The following FHIT variants were observed in gnomAD, a reference collection of about 807,000 sequenced individuals.
The protein encoded by FHIT is bis(5'-adenosyl)-triphosphatase.
Under a neutral mutation model 17.9 loss-of-function variants are expected in FHIT, and 19 were observed. The ratio of observed to expected loss-of-function variants is 1.06; its 90% CI spans 0.74 to 1.56. The LOEUF (loss-of-function observed/expected upper bound fraction) is 1.56. Ranked by LOEUF, FHIT falls within the 40% of genes most tolerant of loss-of-function variation. The probability of loss-of-function intolerance (pLI) is 0.00; values close to 1 mark genes in which losing one functional copy is unlikely to be tolerated. For missense variants in FHIT, 248 were observed against 189.2 expected (o/e 1.31, Z -1.82); for synonymous variants, 81 against 69.7 (o/e 1.16, Z -0.81).
intron 5 of FHIT, among the ~76,000 whole-genome samples, chr3:60,336,484 T>C (rs143832968): frequency 2.0e-5 from 3 of 152,258 alleles, no homozygotes; most frequent in East Asian, 3.9e-4. Context: ...AACTTGAAAA[T>C]AGTTTAAAGT....
intron 5 of FHIT, among the ~76,000 whole-genome samples, chr3:60,494,163 T>C (rs994653570): frequency 6.6e-6 from 1 of 152,206 alleles, no homozygotes; most frequent in Admixed American, 6.5e-5. Context: ...CAGAATGTTT[T>C]CATCATCCCA....
chr3:60,683,231 G>C (rs1160473083), intron 4 of FHIT, among the ~76,000 whole-genome samples: 1 of 152,210 alleles, frequency 6.6e-6, no homozygotes, highest in Non-Finnish European at 1.5e-5. Context: ...AGAAGGGTTG[G>C]AGAGGATTCA....
chr3:60,849,044 A>G (rs1450772162), intron 3 of FHIT, among the ~76,000 whole-genome samples: 1 of 152,178 alleles, frequency 6.6e-6, no homozygotes, highest in Non-Finnish European at 1.5e-5. Context: ...AAGTATATTT[A>G]CTATAGTTAT....
chr3:60,853,908 CT>C (rs1703258017), intron 3 of FHIT, among the ~76,000 whole-genome samples: 1 of 152,142 alleles, frequency 6.6e-6, no homozygotes, highest in Admixed American at 6.6e-5. Flanking sequence ...AACATAGTCC[CT>C]TTGGTGTCCT....
intron 7 of FHIT, among the ~76,000 whole-genome samples, chr3:59,989,592 G>A (rs1396096631): frequency 6.6e-6 from 1 of 152,020 alleles, no homozygotes; most frequent in African/African-American, 2.4e-5. Context: ...GTTCTATTTT[G>A]CAAAACAATC....
At chr3:60,059,563 T>C (rs1183080177) in intron 5 of FHIT, among the ~76,000 whole-genome samples, 1 of 152,184 alleles carries the variant, frequency 6.6e-6, no homozygotes, top group African/African-American at 2.4e-5. Context: ...GCTAAAGCTT[T>C]TTAATAAACT....
intron 5 of FHIT, among the ~76,000 whole-genome samples, chr3:60,480,003 T>C (rs971710694): frequency 6.6e-6 from 1 of 152,152 alleles, no homozygotes. Context: ...ATTTTCACAA[T>C]GCAATAAAGA....
chr3:60,778,839 C>T (rs1700289489), intron 4 of FHIT, among the ~76,000 whole-genome samples: 1 of 152,114 alleles, frequency 6.6e-6, no homozygotes, highest in African/African-American at 2.4e-5. Context: ...CTTGCAGAGC[C>T]AATAAAAGCC....
chr3:59,901,530 T>A (rs1438101920), intron 8 of FHIT, among the ~76,000 whole-genome samples: 1 of 152,200 alleles, frequency 6.6e-6, no homozygotes. Context: ...AGATGCTCAA[T>A]ATTAGCTATC....
chr3:61,179,167 G>A (rs1268738739), intron 2 of FHIT, among the ~76,000 whole-genome samples: 1 of 151,822 alleles, frequency 6.6e-6, no homozygotes, highest in Non-Finnish European at 1.5e-5. Flanking sequence ...GTGCCACCAT[G>A]CCTGGCTAAT....
intron 3 of FHIT, among the ~76,000 whole-genome samples, chr3:60,984,433 T>C (rs1710632014): frequency 1.3e-5 from 2 of 152,182 alleles, no homozygotes; most frequent in South Asian, 4.1e-4. Context: ...GTTCAGAGCT[T>C]TGTATATGTG....
chr3:59,776,279 C>A (rs1275485466), intron 8 of FHIT, among the ~76,000 whole-genome samples: 1 of 152,214 alleles, frequency 6.6e-6, no homozygotes, highest in Non-Finnish European at 1.5e-5. Flanking sequence ...CTGTGGCTTG[C>A]ACGTATTTCC....
intron 5 of FHIT, among the ~76,000 whole-genome samples, chr3:60,369,364 CCTTT>C (rs1700232026): frequency 6.6e-6 from 1 of 152,098 alleles, no homozygotes; most frequent in South Asian, 2.1e-4. Flanking sequence ...TCCATGTTTT[CCTTT>C]AAGTTCTTTA....
intron 5 of FHIT, among the ~76,000 whole-genome samples, chr3:60,086,621 G>T (rs983165935): frequency 6.6e-6 from 1 of 152,206 alleles, no homozygotes; most frequent in African/African-American, 2.4e-5. Flanking sequence ...TTGGCCAAAA[G>T]AAAGAGAAAA....
intron 5 of FHIT, among the ~76,000 whole-genome samples, chr3:60,365,075 T>G (rs1371467751): frequency 1.3e-5 from 2 of 150,342 alleles, no homozygotes; most frequent in Admixed American, 6.7e-5. Context: ...CTATTGGTTC[T>G]GTTCTCTCTC....
intron 5 of FHIT, among the ~76,000 whole-genome samples, chr3:60,095,683 C>T (rs1022786796): frequency 7.9e-5 from 12 of 152,134 alleles, no homozygotes; most frequent in African/African-American, 2.7e-4. Flanking sequence ...TCTAGATAAT[C>T]GGCCTCATTG....
At chr3:60,445,010 A>G (rs1274239577) in intron 5 of FHIT, among the ~76,000 whole-genome samples, 1 of 152,080 alleles carries the variant, frequency 6.6e-6, no homozygotes, top group Admixed American at 6.6e-5. Flanking sequence ...GAACAGTGCA[A>G]TGTTTTCTTG....
At chr3:60,906,775 T>C (rs1343507574) in intron 3 of FHIT, among the ~76,000 whole-genome samples, 5 of 152,190 alleles carry the variant, frequency 3.3e-5, no homozygotes, top group African/African-American at 9.7e-5. Context: ...AATTTGTGTA[T>C]TTTTTTGTAG....
intron 5 of FHIT, among the ~76,000 whole-genome samples, chr3:60,525,974 A>G (rs151740): frequency 0.7 from 106,661 of 152,042 alleles, 38,393 homozygotes; most frequent in East Asian, 0.91. Flanking sequence ...GTGGTGGCCC[A>G]CACCTGTAGT....
Sources: allele counts gnomAD v4.1 joint callset (sites outside exome capture counted in the v4.1 genomes callset), GRCh38; gene constraint gnomAD v4.1.1; transcripts MANE v1.5; gene names NCBI Gene and HGNC (gene_info 2026-07-23, HGNC 2026-07-21).